Variants in RAB2A observed in about 807,000 individuals in gnomAD.
RAB2A encodes the protein RAB2A, member RAS oncogene family, also known as ras-related protein Rab-2A.
Under a neutral mutation model 32.5 loss-of-function variants are expected in RAB2A, and 7 were observed. That is an observed-to-expected ratio of 0.22 (90% confidence interval 0.12 to 0.40). The LOEUF (loss-of-function observed/expected upper bound fraction) is 0.40, where lower values mean the gene tolerates loss of function less well. RAB2A is among the 10% of genes least tolerant of loss of function. RAB2A has a pLI of 1.00. For missense variants in RAB2A, 108 were observed against 260.7 expected (o/e 0.41, Z 4.03); for synonymous variants, 79 against 85.2 (o/e 0.93, Z 0.40).
At chr8:60,569,902 AG>A (rs1365778773) in intron 2 of RAB2A, 1 of 452,000 alleles carries the variant, frequency 2.2e-6, no homozygotes, top group Non-Finnish European at 4.4e-6. Context: ...GAATGTCTGT[AG>A]TTATGTATGG....
At chr8:60,581,760 CT>C (rs1803759037) in intron 3 of RAB2A, among the ~76,000 whole-genome samples, 1 of 152,166 alleles carries the variant, frequency 6.6e-6, no homozygotes, top group African/African-American at 2.4e-5. Flanking sequence ...AACCCCAGCA[CT>C]TTTACGAGAC....
chr8:60,556,493 T>TA lies in RAB2A; in HGVS notation c.47-2350dup, dbSNP rs897814019. On this transcript the variant is annotated intron_variant, in intron 1 of 7. Transcript: ENST00000262646. ...GTACAATTATATGTCAATTAAAATT[T>TA]AAAAAAAAATTTTAAGAACACGGAA... Among the ~76,000 whole-genome samples, 15 of 151,564 alleles carry TA rather than the reference T, an allele frequency of 9.9e-5. No individual in the cohort carries two copies. The East Asian group carries it at 1.7e-3, about 18-fold the overall frequency.
chr8:60,615,243 A>T (rs1394232082), intron 6 of RAB2A, among the ~76,000 whole-genome samples: 1 of 152,218 alleles, frequency 6.6e-6, no homozygotes, highest in Admixed American at 6.5e-5. Flanking sequence ...ATTGAGTTTA[A>T]CAAAGGCGGT....
chr8:60,547,413 A>G (rs1004811078), intron 1 of RAB2A, among the ~76,000 whole-genome samples: 2 of 152,174 alleles, frequency 1.3e-5, no homozygotes, highest in Non-Finnish European at 2.9e-5. Flanking sequence ...GCTGTTGGCT[A>G]TACCTCCCAG....
chr8:60,536,999 TC>T (rs1807567339), intron 1 of RAB2A, among the ~76,000 whole-genome samples: 2 of 152,206 alleles, frequency 1.3e-5, no homozygotes, highest in South Asian at 4.1e-4. Flanking sequence ...TCCAGATTCT[TC>T]CCAGTTTATT....
chr8:60,517,425 C>T (rs910265297), intron 1 of RAB2A, among the ~76,000 whole-genome samples, 172 bp downstream of exon 1: 56 of 152,204 alleles, frequency 3.7e-4, no homozygotes, highest in African/African-American at 1.3e-3. Context: ...TGCGAGCGGC[C>T]GCGGCCTGGC....
At chr8:60,601,411 C>G (rs1365568135) in intron 6 of RAB2A, among the ~76,000 whole-genome samples, 1 of 151,962 alleles carries the variant, frequency 6.6e-6, no homozygotes, top group Non-Finnish European at 1.5e-5. Flanking sequence ...AATCTCAACT[C>G]GCTGCAACCT....
At chr8:60,594,879 C>T (rs565061219) in intron 6 of RAB2A, among the ~76,000 whole-genome samples, 56 of 152,300 alleles carry the variant, frequency 3.7e-4, no homozygotes, top group Non-Finnish European at 6.9e-4. Flanking sequence ...TCCAGTCTAC[C>T]ATTGATGGAC....
At chr8:60,559,496 A>G (rs1807989241) in intron 2 of RAB2A, among the ~76,000 whole-genome samples, 1 of 152,256 alleles carries the variant, frequency 6.6e-6, no homozygotes, top group African/African-American at 2.4e-5. Context: ...TGAAATAGTT[A>G]CTGGTAAGAA....
At chr8:60,603,701 T>A (rs1804176277) in intron 6 of RAB2A, among the ~76,000 whole-genome samples, 1 of 152,138 alleles carries the variant, frequency 6.6e-6, no homozygotes, top group Non-Finnish European at 1.5e-5. Flanking sequence ...CACTTAGTAA[T>A]AGGAGGGATG....
At position 60,584,717 on chromosome 8, in the gene RAB2A, G is replaced by A. The variant is rs1445223517; in HGVS notation, c.270-6G>A. 4 of 1,598,706 alleles carry A rather than the reference G, an allele frequency of 2.5e-6. No individual in the cohort carries two copies. The African/African-American group carries it at 5.4e-5, about 21-fold the overall frequency. The stretch of plus-strand genomic sequence containing the variant: ...ACATAGTAATTAAATTATTATTTAT[G>A]TTTAGGAGAGATACATTCAACCACT... On this transcript the variant is annotated splice_region_variant and splice_polypyrimidine_tract_variant and intron_variant, in intron 4 of 7. Transcript: ENST00000262646.
rs141784881 is a variant in RAB2A, at chr8:60,578,999, T to A, written c.187-5209T>A. On this transcript the variant is annotated intron_variant, in intron 3 of 7. Transcript: ENST00000262646. ...GCAGACTTGTTCTGCTCTACTTTTT[T>A]GCATCTCTGAGTATTTTGTGAATGT... Among the ~76,000 whole-genome samples the A allele has an allele frequency of 8.5e-3, 1,302 of 152,300 alleles. 13 individuals are homozygous for A. Among genetic ancestry groups the A allele is most frequent in the Admixed American group, 0.027 (414 of 15,292 alleles).
chr8:60,584,935 C>A (rs140553474), intron 5 of RAB2A, 120 bp downstream of exon 5: 10 of 641,592 alleles, frequency 1.6e-5, no homozygotes, highest in Non-Finnish European at 2.4e-5. Context: ...TATAAAATTT[C>A]GGAAATTCTA....
intron 6 of RAB2A, among the ~76,000 whole-genome samples, chr8:60,594,765 G>T (rs1479533621): frequency 1.3e-5 from 2 of 152,168 alleles, no homozygotes; most frequent in African/African-American, 4.8e-5. Flanking sequence ...AGTTTGCTGA[G>T]AATTATGGTT....
At chr8:60,524,962 C>A (rs1807357016) in intron 1 of RAB2A, among the ~76,000 whole-genome samples, 1 of 152,186 alleles carries the variant, frequency 6.6e-6, no homozygotes, top group Non-Finnish European at 1.5e-5. Context: ...ATAGCAGATT[C>A]TCATGAGTAA....
chr8:60,550,969 T>G (rs972515041), intron 1 of RAB2A, among the ~76,000 whole-genome samples: 4 of 152,142 alleles, frequency 2.6e-5, no homozygotes, highest in Non-Finnish European at 5.9e-5. Flanking sequence ...GAACTTTTCT[T>G]CTTAACTGTT....
intron 1 of RAB2A, among the ~76,000 whole-genome samples, chr8:60,533,191 A>G (rs1807503945): frequency 6.6e-6 from 1 of 152,260 alleles, no homozygotes; most frequent in Non-Finnish European, 1.5e-5. Context: ...ATAAGTAATA[A>G]AGCGAACAAA....
chr8:60,530,490 A>G (rs140786835), intron 1 of RAB2A, among the ~76,000 whole-genome samples: 5 of 151,698 alleles, frequency 3.3e-5, no homozygotes, highest in Non-Finnish European at 1.5e-5. Flanking sequence ...GGGTCTTGCC[A>G]TGTTTCCCAG....
chr8:60,540,786 T>G (rs28542403), intron 1 of RAB2A, among the ~76,000 whole-genome samples: 36,055 of 152,176 alleles, frequency 0.24, 4,330 homozygotes, highest in Middle Eastern at 0.39. Context: ...CCAGCCCATT[T>G]TTTTTATATA....
Sources: gnomAD v4.1 joint callset for allele counts (sites outside exome capture counted in the v4.1 genomes callset) on GRCh38, gnomAD v4.1.1 for gene constraint, MANE v1.5 for transcripts, NCBI Gene and HGNC (gene_info 2026-07-23, HGNC 2026-07-21) for gene names.